POLE2: variants seen among roughly 807,000 people sequenced by gnomAD.
POLE2 encodes DNA polymerase epsilon 2, accessory subunit, also known as DNA polymerase epsilon subunit 2.
In POLE2, 56 loss-of-function variants were observed where a neutral mutation model predicts 79.4. That is an observed-to-expected ratio of 0.71 (90% CI 0.57 to 0.88). The LOEUF (loss-of-function observed/expected upper bound fraction) is 0.88, where lower values mean the gene tolerates loss of function less well. Among genes scored for constraint, POLE2 ranks in the 40% least tolerant of loss-of-function variants. POLE2 has a pLI of 0.00. For synonymous variants in POLE2, 212 were observed against 214.0 expected (o/e 0.99, Z 0.08); for missense variants, 598 against 638.9 (o/e 0.94, Z 0.69).
At chr14:49,661,880 G>GA (rs1403794591) in intron 10 of POLE2, among the ~76,000 whole-genome samples, 1 of 152,100 alleles carries the variant, frequency 6.6e-6, no homozygotes, top group East Asian at 1.9e-4. Flanking sequence ...TGGATTTAGA[G>GA]AAAATGGTAT....
chr14:49,682,564 G>A (rs989549410), intron 2 of POLE2, among the ~76,000 whole-genome samples: 1 of 147,432 alleles, frequency 6.8e-6, no homozygotes, highest in African/African-American at 2.5e-5. Flanking sequence ...TTGAACCCAG[G>A]AGGCAGAGGA....
chr14:49,670,317 CAAAAAAAA>C (rs61383006), intron 5 of POLE2, among the ~76,000 whole-genome samples: 18,865 of 58,602 alleles, frequency 0.32, 1,866 homozygotes, highest in East Asian at 0.72. Context: ...ACTGTGTCTC[CAAAAAAAA>C]AAAAAAAAAA....
intron 2 of POLE2, 47 bp from the exon 3 acceptor site, chr14:49,679,847 T>C (rs749200329): frequency 9.9e-7 from 1 of 1,006,138 alleles, no homozygotes; most frequent in South Asian, 1.4e-5. Flanking sequence ...AAAAAAAAAA[T>C]AGTTCTTTCC....
At chr14:49,688,051 C>T (rs1387758124) in intron 1 of POLE2, 85 bp downstream of exon 1, 25 of 1,162,334 alleles carry the variant, frequency 2.2e-5, no homozygotes, top group Middle Eastern at 1.9e-4. Context: ...GCGCGGGGAG[C>T]CGCCGCGGTG....
chr14:49,654,912 T>C, intron 12 of POLE2, 74 bp from the exon 13 acceptor site: 1 of 1,395,954 alleles, frequency 7.2e-7, no homozygotes. Flanking sequence ...GATACAATCC[T>C]GTATATTCTT....
chr14:49,676,925 T>A (rs762050198), intron 3 of POLE2, among the ~76,000 whole-genome samples: 1 of 152,238 alleles, frequency 6.6e-6, no homozygotes, highest in Non-Finnish European at 1.5e-5. Flanking sequence ...AGCCCACTCA[T>A]CCTGGACGAG....
intron 11 of POLE2, 125 bp from the exon 12 acceptor site, chr14:49,655,219 TA>T: frequency 3.0e-6 from 1 of 331,556 alleles, no homozygotes. Context: ...AATAACTTAT[TA>T]AAATAATACT....
At chr14:49,662,290 A>G (rs1885151882) in intron 10 of POLE2, among the ~76,000 whole-genome samples, 1 of 152,226 alleles carries the variant, frequency 6.6e-6, no homozygotes, top group South Asian at 2.1e-4. Flanking sequence ...CAGGCATACT[A>G]AAACTAAAAT....
chr14:49,687,042 G>C lies in POLE2; in HGVS notation c.68+1094C>G, dbSNP rs1025353538. 4.6e-5 allele frequency among the ~76,000 whole-genome samples: 7 copies of C among 152,032 alleles called. No homozygotes were observed. In the South Asian group the frequency reaches 8.3e-4, roughly 18 times the overall value. ...TTCACGCCTGTAATTCCAGCATTCT[G>C]GGAGGCCACGGCGCGAGGACTACTT... On this transcript the variant is annotated intron_variant, in intron 1 of 18. Coordinates refer to ENST00000216367, the MANE Select transcript of POLE2 (RefSeq NM_002692.4).
intron 2 of POLE2, among the ~76,000 whole-genome samples, chr14:49,680,465 C>T (rs1438597776): frequency 6.6e-6 from 1 of 152,194 alleles, no homozygotes; most frequent in Non-Finnish European, 1.5e-5. Context: ...TAGCAGCTAC[C>T]ACTTATTAAG....
At chr14:49,657,266 A>T (rs1884757321) in intron 10 of POLE2, among the ~76,000 whole-genome samples, 1 of 152,186 alleles carries the variant, frequency 6.6e-6, no homozygotes, top group South Asian at 2.1e-4. Context: ...GTAATAGAAA[A>T]TGTTGATAGC....
intron 5 of POLE2, among the ~76,000 whole-genome samples, 185 bp from the exon 6 acceptor site, chr14:49,669,783 C>CA (rs45485199): frequency 1.3e-5 from 2 of 151,498 alleles, no homozygotes; most frequent in Non-Finnish European, 2.9e-5. Context: ...AAATTTAAGA[C>CA]AAAAAAAATG....
chr14:49,678,062 C>T (rs1176561995), intron 3 of POLE2, among the ~76,000 whole-genome samples: 3 of 151,408 alleles, frequency 2.0e-5, no homozygotes, highest in African/African-American at 4.9e-5. Flanking sequence ...CAGAGTGGCA[C>T]GATCTTGGCT....
intron 1 of POLE2, among the ~76,000 whole-genome samples, chr14:49,684,333 C>T (rs1198423472): frequency 1.3e-5 from 2 of 151,938 alleles, no homozygotes; most frequent in Non-Finnish European, 2.9e-5. Context: ...GGCATGGTGG[C>T]GGGCGCCTGT....
At chr14:49,645,043 CAAAA>C (rs527251561) in intron 18 of POLE2, among the ~76,000 whole-genome samples, 1 of 88,334 alleles carries the variant, frequency 1.1e-5, no homozygotes, top group African/African-American at 3.9e-5. Context: ...CTCCGTCTCA[CAAAA>C]AAAAAAAAAA....
At chr14:49,667,592 G>C (rs1385304031) in intron 6 of POLE2, among the ~76,000 whole-genome samples, 1 of 147,910 alleles carries the variant, frequency 6.8e-6, no homozygotes, top group Non-Finnish European at 1.5e-5. Context: ...ACATTGCCCA[G>C]GCTGGAGTGC....
chr14:49,684,822 A>C (rs1337260789), intron 1 of POLE2, among the ~76,000 whole-genome samples: 1 of 151,046 alleles, frequency 6.6e-6, no homozygotes, highest in Non-Finnish European at 1.5e-5. Flanking sequence ...AAATACAAAA[A>C]CAAAATTAGC....
intron 17 of POLE2, among the ~76,000 whole-genome samples, chr14:49,649,274 G>A (rs1003759283): frequency 6.7e-6 from 1 of 149,724 alleles, no homozygotes; most frequent in Non-Finnish European, 1.5e-5. Flanking sequence ...AGCCTCCCGA[G>A]TAGCTGGGAC....
intron 3 of POLE2, chr14:49,677,575 G>T: frequency 2.0e-6 from 1 of 491,498 alleles, no homozygotes. Flanking sequence ...CTCCTACTGA[G>T]CCCTAGAGCT....
Sources: allele counts gnomAD v4.1 joint callset (sites outside exome capture counted in the v4.1 genomes callset), GRCh38; gene constraint gnomAD v4.1.1; transcripts MANE v1.5; gene names NCBI Gene and HGNC (gene_info 2026-07-23, HGNC 2026-07-21).